Variants in CCDC125 observed in about 807,000 individuals in gnomAD.
The protein encoded by CCDC125 is coiled-coil domain-containing protein 125.
Under a neutral mutation model 57.4 loss-of-function variants are expected in CCDC125, and 43 were observed. That is an observed-to-expected ratio of 0.75 (90% CI 0.59 to 0.97). CCDC125 has a LOEUF of 0.97. CCDC125 is among the 50% of genes least tolerant of loss of function. The pLI, the probability that CCDC125 is intolerant of heterozygous loss-of-function variation, is 0.00. For synonymous variants in CCDC125, 187 were observed against 195.2 expected (o/e 0.96, Z 0.35); for missense variants, 563 against 595.7 (o/e 0.95, Z 0.57).
intron 1 of CCDC125, among the ~76,000 whole-genome samples, chr5:69,323,288 G>T (rs902112078): frequency 6.6e-6 from 1 of 150,658 alleles, no homozygotes; most frequent in African/African-American, 2.4e-5. Flanking sequence ...TAGCCTGGGC[G>T]ACAGAGAAAG....
Position 69,311,185 on chromosome 5 carries a change from GT to G in CCDC125, c.385del (p.Thr129LeufsTer17). On this transcript the variant is annotated frameshift_variant, in exon 4 of 12. Coordinates refer to ENST00000396496, the MANE Select transcript of CCDC125 (RefSeq NM_176816.5). LOFTEE classifies it high-confidence loss of function. ...ETLEEVEMLK[T>X]ELEASQRQLR... Reference sequence around the variant, plus strand: ...TTGTCTTTGAGATGCCTCAAGTTCAGTTTTTAACATTTCTACCTCCTGAGGA... The same window carrying G: ...TTGTCTTTGAGATGCCTCAAGTTCAGTTTTAACATTTCTACCTCCTGAGGA... 4 of 1,608,242 alleles carry G rather than the reference GT, an allele frequency of 2.5e-6. No homozygotes were observed. Among genetic ancestry groups the G allele is most frequent in the Non-Finnish European group, 3.4e-6 (4 of 1,175,796 alleles).
chr5:69,319,711 GA>G (rs1759714589), intron 2 of CCDC125, among the ~76,000 whole-genome samples: 2 of 151,576 alleles, frequency 1.3e-5, no homozygotes. Context: ...TCGATCTCTT[GA>G]CCTTGTGATC....
intron 10 of CCDC125, among the ~76,000 whole-genome samples, chr5:69,287,107 T>A (rs1023139240): frequency 2.0e-5 from 3 of 151,972 alleles, no homozygotes; most frequent in Non-Finnish European, 4.4e-5. Context: ...AAAGTTGATA[T>A]TAAGTGTTAC....
chr5:69,302,383 A>G (rs1226369264), intron 7 of CCDC125, among the ~76,000 whole-genome samples: 2 of 121,482 alleles, frequency 1.6e-5, no homozygotes, highest in Non-Finnish European at 3.2e-5. Context: ...ATGGCGTCAC[A>G]GCACTCCAGC....
chr5:69,330,519 G>A lies in CCDC125; in HGVS notation c.-41+2130C>T, dbSNP rs147879235. Among the ~76,000 whole-genome samples, 1,015 of 151,904 alleles carry A rather than the reference G, an allele frequency of 6.7e-3. 8 individuals are homozygous for A. The highest frequency in any genetic ancestry group is 0.023 in the African/African-American group (949 of 41,438). On this transcript the variant is annotated intron_variant, in intron 1 of 11. Transcript: ENST00000396496. Reference sequence around the variant, plus strand: ...TGAGGCAGGAGAATCGCTTGAACCCGGGAGGCAGACATTGCAGTGAGCCGA... The same window carrying A: ...TGAGGCAGGAGAATCGCTTGAACCCAGGAGGCAGACATTGCAGTGAGCCGA...
chr5:69,292,304 A>G lies in CCDC125; in HGVS notation c.983T>C (p.Ile328Thr). ...EAYVMADAFR[I>T]AFEQQLMRKN... ...TCTCATTAATTGTTGCTCAAATGCA[A>G]TTCTGAAAGCATCTGCCATCACGTA... The change falls in exon 10 of 12, where the codon ATT becomes ACT. Residue 328 changes from isoleucine to threonine, a missense_variant. Transcript: ENST00000396496. The G allele has an allele frequency of 1.2e-6, 2 of 1,613,894 alleles. No individual in the cohort carries two copies. The highest frequency in any genetic ancestry group is 2.2e-5 in the East Asian group (1 of 44,884).
intron 1 of CCDC125, among the ~76,000 whole-genome samples, chr5:69,326,784 C>A (rs1018758241): frequency 6.6e-6 from 1 of 152,064 alleles, no homozygotes; most frequent in African/African-American, 2.4e-5. Context: ...GGAATGGTGG[C>A]TCATGTCTGT....
chr5:69,298,947 C>T (rs953252063), intron 8 of CCDC125, among the ~76,000 whole-genome samples: 15 of 152,236 alleles, frequency 9.9e-5, no homozygotes, highest in African/African-American at 3.4e-4. Flanking sequence ...GCCTCTGTTA[C>T]CTCATTTGTG....
chr5:69,326,315 A>T (rs1424226822), intron 1 of CCDC125, among the ~76,000 whole-genome samples: 2 of 152,214 alleles, frequency 1.3e-5, no homozygotes, highest in African/African-American at 4.8e-5. Flanking sequence ...GCAACATCTA[A>T]CAGATTCTGG....
intron 10 of CCDC125, among the ~76,000 whole-genome samples, chr5:69,287,963 G>A (rs1022649361): frequency 6.6e-6 from 1 of 152,096 alleles, no homozygotes; most frequent in African/African-American, 2.4e-5. Context: ...TGCATTTTTT[G>A]TGGGAATCTT....
At chr5:69,303,514 A>G (rs1756853643) in intron 7 of CCDC125, among the ~76,000 whole-genome samples, 1 of 151,424 alleles carries the variant, frequency 6.6e-6, no homozygotes, top group Non-Finnish European at 1.5e-5. Context: ...ACAGGTGCGC[A>G]CCACCATGTC....
At chr5:69,324,640 G>A (rs922144879) in intron 1 of CCDC125, among the ~76,000 whole-genome samples, 1 of 152,116 alleles carries the variant, frequency 6.6e-6, no homozygotes, top group Non-Finnish European at 1.5e-5. Context: ...AAAGAACAAC[G>A]CATTTCTGAC....
At chr5:69,310,416 TTCC>T (rs1173585078) in intron 4 of CCDC125, 2 of 155,900 alleles carry the variant, frequency 1.3e-5, no homozygotes, top group East Asian at 3.7e-4. Context: ...CTTTTGAATC[TTCC>T]TCATTTTCTC....
At chr5:69,299,568 A>C (rs529091760) in intron 8 of CCDC125, among the ~76,000 whole-genome samples, 1 of 152,294 alleles carries the variant, frequency 6.6e-6, no homozygotes, top group East Asian at 1.9e-4. Flanking sequence ...TTTACCACAG[A>C]TTGACCTTGC....
Position 69,330,821 on chromosome 5 carries a change from C to A in CCDC125, c.-41+1828G>T, listed in dbSNP as rs546691018. On this transcript the variant is annotated intron_variant, in intron 1 of 11. Coordinates refer to ENST00000396496, the MANE Select transcript of CCDC125 (RefSeq NM_176816.5). ...CATTAATTTCACTGCCCTGGTGGAA[C>A]GTCTCTTTAATTCCCCAAGGCTAGC... is the stretch of plus-strand genomic sequence containing the variant. Among the ~76,000 whole-genome samples, 4 of 152,258 alleles carry A rather than the reference C, an allele frequency of 2.6e-5. No individual in the cohort carries two copies. The East Asian group carries it at 5.8e-4, about 22-fold the overall frequency.
In CCDC125 at chr5:69,330,510, C is replaced by T. The variant is rs191978248; in HGVS notation, c.-41+2139G>A. On this transcript the variant is annotated intron_variant, in intron 1 of 11. Transcript: ENST00000396496. ...TCGGGAGGCTGAGGCAGGAGAATCG[C>T]TTGAACCCGGGAGGCAGACATTGCA... Among the ~76,000 whole-genome samples, 450 of 152,062 alleles carry T rather than the reference C, an allele frequency of 3.0e-3. 9 individuals carry two copies. The highest frequency in any genetic ancestry group is 0.01 in the African/African-American group (433 of 41,484).
intron 5 of CCDC125, among the ~76,000 whole-genome samples, chr5:69,307,410 C>G (rs144865267): frequency 1.3e-5 from 2 of 151,970 alleles, no homozygotes; most frequent in East Asian, 3.8e-4. Flanking sequence ...GGGCTGGGCA[C>G]GGTGTCTCAC....
intron 6 of CCDC125, 107 bp downstream of exon 6, chr5:69,306,710 A>G: frequency 1.6e-6 from 2 of 1,222,490 alleles, no homozygotes; most frequent in Non-Finnish European, 2.1e-6. Flanking sequence ...AAGCAATAAA[A>G]ATTTTGTAAT....
At chr5:69,292,029 C>CT (rs1221353899) in intron 10 of CCDC125, among the ~76,000 whole-genome samples, 159 bp downstream of exon 10, 1 of 152,150 alleles carries the variant, frequency 6.6e-6, no homozygotes, top group African/African-American at 2.4e-5. Flanking sequence ...CCAATGACTC[C>CT]TTTTTTTCCA....
Sources: gnomAD v4.1 joint callset for allele counts (sites outside exome capture counted in the v4.1 genomes callset) on GRCh38, gnomAD v4.1.1 for gene constraint, MANE v1.5 for transcripts, NCBI Gene and HGNC (gene_info 2026-07-23, HGNC 2026-07-21) for gene names.